The following CCDC68 variants were observed in gnomAD, a reference collection of about 807,000 sequenced individuals.
The protein encoded by CCDC68 is coiled-coil domain containing 68, also known as coiled-coil domain-containing protein 68.
CCDC68 carries 45 observed loss-of-function variants against 47.1 expected under a neutral mutation model. The observed-to-expected ratio is 0.96, with a 90% CI of 0.75 to 1.23. The LOEUF is 1.23. Among genes scored for constraint, CCDC68 ranks in the 50% most tolerant of loss-of-function variants. CCDC68 has a pLI of 0.00. For synonymous variants in CCDC68, 131 were observed against 129.5 expected, an observed-to-expected ratio of 1.01 and a Z score of -0.08; for missense variants, 353 against 373.6, an observed-to-expected ratio of 0.94 and a Z score of 0.45.
chr18:54,936,928 C>A lies in CCDC68; in HGVS notation c.376G>T (p.Ala126Ser), dbSNP rs771145299. The change falls in exon 6 of 12, where the codon GCT becomes TCT. Residue 126 changes from alanine (A) to serine (S), a missense_variant. Coordinates refer to ENST00000591504, the MANE Select transcript of CCDC68 (RefSeq NM_025214.3). ...AATCTCTGGGCCACGTTTCTCAGAG[C>A]TGCTGCTCCTGCTTCTCTGGAGGCT... ...LQASREAGAA[A>S]LRNVAQRLFE... The A allele has an allele frequency of 6.2e-7, 1 of 1,614,124 alleles. No homozygotes were observed. The highest frequency in any genetic ancestry group is 1.7e-4 in the Middle Eastern group (1 of 6,060).
chr18:54,933,234 A>C (rs2044292916), intron 7 of CCDC68, among the ~76,000 whole-genome samples: 1 of 152,132 alleles, frequency 6.6e-6, no homozygotes, highest in Non-Finnish European at 1.5e-5. Context: ...GGTGCGTGCC[A>C]CCATGCCCAG....
intron 6 of CCDC68, 75 bp from the exon 7 acceptor site, chr18:54,935,023 A>G: frequency 1.6e-6 from 2 of 1,219,320 alleles, no homozygotes; most frequent in Non-Finnish European, 2.1e-6. Flanking sequence ...CTCTTTCTAT[A>G]ATTTTCTAAT....
chr18:54,949,054 C>T (rs933678653), intron 1 of CCDC68, among the ~76,000 whole-genome samples: 15 of 152,138 alleles, frequency 9.9e-5, no homozygotes, highest in Admixed American at 3.9e-4. Flanking sequence ...AGTTAAGTGG[C>T]GTGATCTCTG....
intron 10 of CCDC68, among the ~76,000 whole-genome samples, chr18:54,915,665 A>T: frequency 6.6e-6 from 1 of 152,216 alleles, no homozygotes; most frequent in East Asian, 1.9e-4. Context: ...ATGGTGGCTC[A>T]TGTCTGTAAT....
chr18:54,955,683 G>A (rs1230198060), intron 1 of CCDC68, among the ~76,000 whole-genome samples: 1 of 152,134 alleles, frequency 6.6e-6, no homozygotes, highest in African/African-American at 2.4e-5. Context: ...AAAAGTCAAT[G>A]TTCTTGCAAA....
chr18:54,933,410 G>A (rs191802221), intron 7 of CCDC68, among the ~76,000 whole-genome samples: 2 of 152,090 alleles, frequency 1.3e-5, no homozygotes, highest in African/African-American at 2.4e-5. Flanking sequence ...GGGCAGTGAC[G>A]GTTGCCACTA....
intron 2 of CCDC68, among the ~76,000 whole-genome samples, chr18:54,943,322 C>A (rs1381404476): frequency 6.6e-6 from 1 of 152,016 alleles, no homozygotes; most frequent in Non-Finnish European, 1.5e-5. Context: ...TGCTATGGAG[C>A]CATCACTAGG....
chr18:54,905,416 A>AGGAAGGAAGGAAGGAAGGAAGGAT (rs1285122415), intron 11 of CCDC68, among the ~76,000 whole-genome samples: 1 of 148,858 alleles, frequency 6.7e-6, no homozygotes. Context: ...GGAAGAAGGA[A>AGGAAGGAAGGAAGGAAGGAAGGAT]GGAAGGAAGG....
At chr18:54,907,926 C>T in intron 10 of CCDC68, 64 bp from the exon 11 acceptor site, 2 of 922,110 alleles carry the variant, frequency 2.2e-6, no homozygotes, top group Non-Finnish European at 1.8e-6. Context: ...ACCCTCAATG[C>T]TTCTATTCAA....
At chr18:54,934,686 C>T (rs1158120339) in intron 7 of CCDC68, 134 bp downstream of exon 7, 1 of 653,104 alleles carries the variant, frequency 1.5e-6, no homozygotes, top group Non-Finnish European at 2.2e-6. Flanking sequence ...TTCCTAAGGC[C>T]AAGAATTGTA....
chr18:54,946,472 G>C lies in CCDC68; in HGVS notation c.-102-995C>G, dbSNP rs183321926. On this transcript the variant is annotated intron_variant, in intron 1 of 11. Transcript: ENST00000591504. ...GTACCCTGGATCTACAGTCCCATTTGACTGATTTACTTTCATTTTCCTTTT... is the reference window on the plus strand; with the variant it reads ...GTACCCTGGATCTACAGTCCCATTTCACTGATTTACTTTCATTTTCCTTTT... Among the ~76,000 whole-genome samples, 21 of 152,224 alleles carry C rather than the reference G, an allele frequency of 1.4e-4. No individual in the cohort carries two copies. In the East Asian group the frequency reaches 4.0e-3, roughly 29 times the overall value.
At chr18:54,937,896 C>A in intron 5 of CCDC68, 61 bp downstream of exon 5, 1 of 1,481,000 alleles carries the variant, frequency 6.8e-7, no homozygotes. Flanking sequence ...CAGATGCTAA[C>A]AACCCATTCT....
chr18:54,939,945 TG>T (rs1170491141), intron 4 of CCDC68, among the ~76,000 whole-genome samples: 1 of 152,038 alleles, frequency 6.6e-6, no homozygotes, highest in Non-Finnish European at 1.5e-5. Context: ...AACAGGAGCT[TG>T]TTAGAAATGC....
Position 54,938,053 on chromosome 18 carries a change from A to C in CCDC68, c.249T>G (p.Pro83=). The C allele has an allele frequency of 6.2e-7, 1 of 1,613,944 alleles. No individual in the cohort carries two copies. Among genetic ancestry groups the C allele is most frequent in the Non-Finnish European group, 8.5e-7 (1 of 1,179,850 alleles). Residue 83 remains proline (P), a synonymous_variant, in exon 5 of 12, where the codon CCT becomes CCG. Coordinates refer to ENST00000591504, the MANE Select transcript of CCDC68 (RefSeq NM_025214.3). ...LQQGSDSEMD[P]SCCSLDLLMK... ...TAAGCAAATCCAAACTGCAACAAGA[A>C]GGATCCATTTCAGAATCAGAGCCCT...
chr18:54,928,711 G>C (rs777912421), intron 8 of CCDC68, 89 bp downstream of exon 8: 1 of 785,720 alleles, frequency 1.3e-6, no homozygotes, highest in East Asian at 2.5e-5. Flanking sequence ...TTCTTTGGGG[G>C]ACAGAAGGTC....
At chr18:54,933,283 T>C (rs891617631) in intron 7 of CCDC68, among the ~76,000 whole-genome samples, 14 of 152,136 alleles carry the variant, frequency 9.2e-5, no homozygotes, top group African/African-American at 3.1e-4. Context: ...GGTTTCACCA[T>C]GTTGGCCAGG....
intron 10 of CCDC68, among the ~76,000 whole-genome samples, chr18:54,908,215 T>C (rs548152663): frequency 1.3e-5 from 2 of 152,318 alleles, no homozygotes; most frequent in Non-Finnish European, 2.9e-5. Flanking sequence ...ACAATATCAA[T>C]CACATGTTCG....
At chr18:54,955,063 A>G (rs140637056) in intron 1 of CCDC68, among the ~76,000 whole-genome samples, 159 of 152,304 alleles carry the variant, frequency 1.0e-3, no homozygotes, top group African/African-American at 3.8e-3. Context: ...GTTCACATCT[A>G]TAATCCCAGC....
At chr18:54,934,142 A>T (rs11152076) in intron 7 of CCDC68, among the ~76,000 whole-genome samples, 58,561 of 152,100 alleles carry the variant, frequency 0.39, 11,481 homozygotes, top group East Asian at 0.58. Flanking sequence ...TGTTTTGCTA[A>T]TAAAAAATAT....
Sources: allele counts gnomAD v4.1 joint callset (sites outside exome capture counted in the v4.1 genomes callset), GRCh38; gene constraint gnomAD v4.1.1; transcripts MANE v1.5; gene names NCBI Gene and HGNC (gene_info 2026-07-23, HGNC 2026-07-21).